Variants in SHISA9 observed in about 807,000 individuals in gnomAD.
SHISA9 encodes protein shisa-9.
A neutral mutation model predicts 38.0 loss-of-function variants in SHISA9; 13 were observed. The observed-to-expected ratio is 0.34, with a 90% CI of 0.22 to 0.54. SHISA9 has a LOEUF of 0.54. Among genes scored for constraint, SHISA9 ranks in the 20% least tolerant of loss-of-function variants. SHISA9 has a pLI of 0.91. For missense variants in SHISA9, 538 were observed against 575.8 expected (o/e 0.93, Z 0.67); for synonymous variants, 275 against 242.0 (o/e 1.14, Z -1.27).
the SHISA9 span, among the ~76,000 whole-genome samples, chr16:13,360,116 CTCTA>C: frequency 6.6e-6 from 1 of 152,230 alleles, no homozygotes; most frequent in Non-Finnish European, 1.5e-5. Flanking sequence ...TCCAGTTCCT[CTCTA>C]TCTCAGGATG....
At chr16:13,012,316 A>G (rs992160609) in intron 2 of SHISA9, among the ~76,000 whole-genome samples, 3 of 152,192 alleles carry the variant, frequency 2.0e-5, no homozygotes, top group Admixed American at 6.5e-5. Context: ...CCCTCTCTGC[A>G]GAAGTGACCT....
chr16:13,143,869 A>G (rs1387207363), intron 2 of SHISA9, among the ~76,000 whole-genome samples: 1 of 152,196 alleles, frequency 6.6e-6, no homozygotes, highest in East Asian at 1.9e-4. Context: ...ATAGTTGACC[A>G]TGGTGGGGAT....
chr16:13,283,179 G>T, the SHISA9 span, among the ~76,000 whole-genome samples: 1 of 152,018 alleles, frequency 6.6e-6, no homozygotes, highest in East Asian at 1.9e-4. Context: ...TGATCACTAG[G>T]AACTTTGTGC....
At chr16:13,561,622 G>A in the SHISA9 span, among the ~76,000 whole-genome samples, 1 of 152,220 alleles carries the variant, frequency 6.6e-6, no homozygotes, top group Non-Finnish European at 1.5e-5. Flanking sequence ...GAATAGCGAG[G>A]TGTGGGGAGC....
At chr16:13,519,015 A>G in the SHISA9 span, among the ~76,000 whole-genome samples, 6 of 152,336 alleles carry the variant, frequency 3.9e-5, no homozygotes, top group South Asian at 6.2e-4. Context: ...CCCACCTCCC[A>G]GAACTGTTGC....
chr16:13,348,925 A>T, the SHISA9 span, among the ~76,000 whole-genome samples: 1 of 152,040 alleles, frequency 6.6e-6, no homozygotes, highest in Non-Finnish European at 1.5e-5. Flanking sequence ...TCGGACTAAC[A>T]TCCCCCTTTG....
At position 12,943,967 on chromosome 16, in the gene SHISA9, A is replaced by G. The variant is rs541000903; in HGVS notation, c.691+27152A>G. 7.9e-5 allele frequency among the ~76,000 whole-genome samples: 12 copies of G among 152,152 alleles called. No individual in the cohort carries two copies. In the South Asian group the frequency reaches 2.3e-3, roughly 29 times the overall value. On this transcript the variant is annotated intron_variant, in intron 2 of 4. Coordinates refer to ENST00000558583, the MANE Select transcript of SHISA9 (RefSeq NM_001145204.3). ...TTATTTATTTCTCAACCCCAACACTATTGATATCTTGGGTCAGACAATTCT... is the reference window on the plus strand; with the variant it reads ...TTATTTATTTCTCAACCCCAACACTGTTGATATCTTGGGTCAGACAATTCT...
intron 2 of SHISA9, among the ~76,000 whole-genome samples, chr16:13,193,900 C>A (rs2050911629): frequency 6.6e-6 from 1 of 152,164 alleles, no homozygotes; most frequent in Non-Finnish European, 1.5e-5. Flanking sequence ...ACTGGCTCAG[C>A]TGCCCTGTGA....
At chr16:13,040,512 A>G (rs902376249) in intron 2 of SHISA9, among the ~76,000 whole-genome samples, 1 of 152,124 alleles carries the variant, frequency 6.6e-6, no homozygotes, top group African/African-American at 2.4e-5. Flanking sequence ...TGTTTAATTT[A>G]TTCTCATAGC....
At chr16:13,253,540 G>A in the SHISA9 span, among the ~76,000 whole-genome samples, 6 of 152,152 alleles carry the variant, frequency 3.9e-5, no homozygotes, top group African/African-American at 4.8e-5. Context: ...AAGCAAAGTC[G>A]AATCTTGCAT....
chr16:13,524,026 G>A, the SHISA9 span, among the ~76,000 whole-genome samples: 1 of 152,150 alleles, frequency 6.6e-6, no homozygotes, highest in Non-Finnish European at 1.5e-5. Flanking sequence ...GAGTCACACA[G>A]TCGAGAAATG....
chr16:13,034,163 T>G, intron 2 of SHISA9, among the ~76,000 whole-genome samples: 1 of 129,050 alleles, frequency 7.7e-6, no homozygotes, highest in Non-Finnish European at 1.6e-5. Context: ...AAAAAAAAAA[T>G]ACCTCCATCT....
the SHISA9 span, among the ~76,000 whole-genome samples, chr16:13,345,586 A>G: frequency 6.6e-6 from 1 of 152,164 alleles, no homozygotes; most frequent in African/African-American, 2.4e-5. Flanking sequence ...ATGTGCCTTT[A>G]TAATAGAATG....
At chr16:13,276,351 G>A in the SHISA9 span, among the ~76,000 whole-genome samples, 1 of 151,848 alleles carries the variant, frequency 6.6e-6, no homozygotes, top group South Asian at 2.1e-4. Flanking sequence ...TGATTTTGCT[G>A]TTGTGAATTG....
At chr16:13,041,315 T>C (rs1295931786) in intron 2 of SHISA9, among the ~76,000 whole-genome samples, 1 of 152,216 alleles carries the variant, frequency 6.6e-6, no homozygotes, top group Non-Finnish European at 1.5e-5. Flanking sequence ...CTAGTTTTCA[T>C]AATGGCTGAC....
chr16:13,483,366 T>C, the SHISA9 span, among the ~76,000 whole-genome samples: 1 of 152,132 alleles, frequency 6.6e-6, no homozygotes, highest in Non-Finnish European at 1.5e-5. Flanking sequence ...TTACAGAAAT[T>C]GGAAGGAAAC....
chr16:13,265,276 T>C, the SHISA9 span, among the ~76,000 whole-genome samples: 1 of 111,292 alleles, frequency 9.0e-6, no homozygotes, highest in African/African-American at 3.6e-5. Context: ...TCCATTCCCC[T>C]TTCCTTTCTT....
At chr16:13,457,584 T>G in the SHISA9 span, among the ~76,000 whole-genome samples, 1 of 151,102 alleles carries the variant, frequency 6.6e-6, no homozygotes, top group Non-Finnish European at 1.5e-5. Flanking sequence ...GACGCCAGCT[T>G]TGTGTAGCCT....
the SHISA9 span, among the ~76,000 whole-genome samples, chr16:13,247,756 T>A: frequency 6.6e-6 from 1 of 152,232 alleles, no homozygotes; most frequent in African/African-American, 2.4e-5. Context: ...TTTTGTCACA[T>A]CCTCTTGAAT....
Sources: gnomAD v4.1 joint callset for allele counts (sites outside exome capture counted in the v4.1 genomes callset) on GRCh38, gnomAD v4.1.1 for gene constraint, MANE v1.5 for transcripts, NCBI Gene and HGNC (gene_info 2026-07-23, HGNC 2026-07-21) for gene names.